Variants in MDH1 observed in about 807,000 individuals in gnomAD.
MDH1 encodes the protein malate dehydrogenase 1.
Under a neutral mutation model 38.7 loss-of-function variants are expected in MDH1, and 15 were observed. That is an observed-to-expected ratio of 0.39 (90% confidence interval 0.26 to 0.60). The LOEUF (loss-of-function observed/expected upper bound fraction) is 0.60, where lower values mean the gene tolerates loss of function less well. MDH1 is among the 20% of genes least tolerant of loss of function. MDH1 has a pLI of 0.56. For missense variants in MDH1, 368 were observed against 405.2 expected (o/e 0.91, Z 0.79); for synonymous variants, 144 against 143.6 (o/e 1.00, Z -0.02).
intron 3 of MDH1, among the ~76,000 whole-genome samples, chr2:63,595,858 T>A (rs1709301336): frequency 1.3e-5 from 2 of 152,298 alleles, no homozygotes; most frequent in South Asian, 4.1e-4. Context: ...GTCTACATTG[T>A]GTTGTTATGG....
chr2:63,602,934 CT>C (rs370479356), intron 5 of MDH1, among the ~76,000 whole-genome samples: 1 of 131,624 alleles, frequency 7.6e-6, no homozygotes, highest in Non-Finnish European at 1.7e-5. Flanking sequence ...TTTAACCGTT[CT>C]TTTTTTTTTT....
chr2:63,604,480 C>A (rs1285036988), intron 5 of MDH1, among the ~76,000 whole-genome samples: 1 of 152,192 alleles, frequency 6.6e-6, no homozygotes, highest in Non-Finnish European at 1.5e-5. Flanking sequence ...CATTCTACTC[C>A]ATAAGGTTTC....
chr2:63,596,664 T>C (rs1413362815), intron 3 of MDH1, among the ~76,000 whole-genome samples: 1 of 152,234 alleles, frequency 6.6e-6, no homozygotes, highest in Non-Finnish European at 1.5e-5. Flanking sequence ...ATGGCAGCCT[T>C]GACTATGATG....
rs1260784779 is a variant in MDH1, at chr2:63,604,847, G to T, written c.650G>T (p.Ser217Ile). 6.2e-7 allele frequency: 1 copy of T among 1,614,156 alleles called. No individual in the cohort carries two copies. Among genetic ancestry groups the T allele is most frequent in the South Asian group, 1.1e-5 (1 of 91,084 alleles). Reference sequence around the variant, plus strand: ...GTTTATGAAGCTCTGAAAGATGACAGCTGGCTCAAGGGAGAATTTGTCACG... The same window carrying T: ...GTTTATGAAGCTCTGAAAGATGACATCTGGCTCAAGGGAGAATTTGTCACG... ...VGVYEALKDDSWLKGEFVTTV... is the reference protein window; with the variant it reads ...VGVYEALKDDIWLKGEFVTTV... Residue 217 changes from serine (S) to isoleucine (I), a missense_variant, in exon 6 of 9, where the codon AGC becomes ATC. Transcript: ENST00000233114.
chr2:63,599,637 T>A (rs1332111276), intron 5 of MDH1: 4 of 160,898 alleles, frequency 2.5e-5, no homozygotes, highest in South Asian at 1.7e-4. Context: ...CAGATACATA[T>A]AATCTCATAT....
chr2:63,604,821 T>C lies in MDH1; in HGVS notation c.624T>C (p.Gly208=). The C allele has an allele frequency of 6.2e-7, 1 of 1,614,188 alleles. No homozygotes were observed. ...TGAAATTGCAAGGAAAGGAAGTTGGTGTTTATGAAGCTCTGAAAGATGACA... is the reference window on the plus strand; with the variant it reads ...TGAAATTGCAAGGAAAGGAAGTTGGCGTTTATGAAGCTCTGAAAGATGACA... ...AKVKLQGKEV[G]VYEALKDDSW... The change falls in exon 6 of 9, where the codon GGT becomes GGC. Residue 208 remains glycine, a synonymous_variant. Coordinates refer to ENST00000233114, the MANE Select transcript of MDH1 (RefSeq NM_005917.4).
chr2:63,593,589 TC>T, intron 1 of MDH1: 1 of 471,590 alleles, frequency 2.1e-6, no homozygotes, highest in Non-Finnish European at 4.4e-6. Context: ...ACCAAACACT[TC>T]TGGGCTTAGT....
chr2:63,607,127 C>G lies in MDH1; in HGVS notation c.*140C>G, dbSNP rs1358069399. ...TTTAAAGATTACGTGCTTCTTGGTA[C>G]AGGTTTGTGAATGACAGTTTATCGT... On this transcript the variant is annotated 3_prime_UTR_variant, in exon 9 of 9. Coordinates refer to ENST00000233114, the MANE Select transcript of MDH1 (RefSeq NM_005917.4). 1 of 761,988 alleles carries G rather than the reference C, an allele frequency of 1.3e-6. No homozygotes were observed. Among genetic ancestry groups the G allele is most frequent in the Non-Finnish European group, 2.0e-6 (1 of 508,798 alleles). 47.2% of individuals were successfully genotyped at this position (761,988 alleles called of 1,614,324 possible).
rs573282382 is a variant in MDH1 at position 63,604,950 on chromosome 2, G to C, written c.675+78G>C. On this transcript the variant is annotated intron_variant, in intron 6 of 8. Transcript: ENST00000233114. ...GACTCTTAGGACAGAAAACCTTAAA[G>C]AGGGCAGGTCTTTCACAGTTGCTCT... 3.7e-5 allele frequency: 53 copies of C among 1,446,416 alleles called. No individual in the cohort carries two copies. The South Asian group carries it at 6.3e-4, about 17-fold the overall frequency. The allele number at this position is 1,446,416 out of a possible 1,614,324, so 89.6% of individuals were successfully genotyped here.
At chr2:63,605,917 T>G in intron 7 of MDH1, 22 bp from the exon 8 acceptor site, 2 of 1,583,384 alleles carry the variant, frequency 1.3e-6, no homozygotes, top group Non-Finnish European at 1.7e-6. Context: ...ATCATGAGTA[T>G]GTGAAACATT....
At position 63,604,855 on chromosome 2, in the gene MDH1, A is replaced by G; in HGVS notation, c.658A>G (p.Lys220Glu). ...YEALKDDSWL[K>E]GEFVTTVQQR... ...AGCTCTGAAAGATGACAGCTGGCTC[A>G]AGGGAGAATTTGTCACGGTAAGAAA... Residue 220 changes from lysine (K) to glutamate (E), a missense_variant, in exon 6 of 9, where the codon AAG (lysine) becomes GAG (glutamate). Coordinates refer to ENST00000233114, the MANE Select transcript of MDH1 (RefSeq NM_005917.4). The G allele has an allele frequency of 6.2e-7, 1 of 1,614,182 alleles. No homozygotes were observed. Among genetic ancestry groups the G allele is most frequent in the Non-Finnish European group, 8.5e-7 (1 of 1,180,020 alleles).
In MDH1 at chr2:63,606,001, G is replaced by C; in HGVS notation, c.852G>C (p.Leu284=). The C allele has an allele frequency of 6.2e-7, 1 of 1,614,096 alleles. No homozygotes were observed. The highest frequency in any genetic ancestry group is 8.5e-7 in the Non-Finnish European group (1 of 1,179,976). ...DGNSYGVPDD[L]LYSFPVVIKN... Reference sequence around the variant, plus strand: ...ACTCCTATGGTGTTCCTGATGATCTGCTCTACTCATTCCCTGTTGTAATCA... The same window carrying C: ...ACTCCTATGGTGTTCCTGATGATCTCCTCTACTCATTCCCTGTTGTAATCA... Residue 284 remains leucine (L), a synonymous_variant, in exon 8 of 9, where the codon CTG becomes CTC. Transcript: ENST00000233114.
In MDH1 at chr2:63,595,530, G is replaced by A. The variant is rs1709293776; in HGVS notation, c.199+11G>A. On this transcript the variant is annotated intron_variant, in intron 3 of 8. Coordinates refer to ENST00000233114, the MANE Select transcript of MDH1 (RefSeq NM_005917.4). ...TTCCCCTCCTGAAAGGTGGGTTGGG[G>A]AGTAGAGAAGGGATTTTATGGTATT... The A allele has an allele frequency of 1.3e-6, 2 of 1,515,286 alleles. No individual in the cohort carries two copies. Among genetic ancestry groups the A allele is most frequent in the African/African-American group, 1.4e-5 (1 of 72,854 alleles). The allele number at this position is 1,515,286 out of a possible 1,614,324, so 93.9% of individuals were successfully genotyped here.
chr2:63,595,366 T>G, intron 2 of MDH1, 57 bp from the exon 3 acceptor site: 1 of 1,064,378 alleles, frequency 9.4e-7, no homozygotes, highest in Non-Finnish European at 1.5e-6. Context: ...GAAAAGACTT[T>G]CTTGTGTCTA....
Position 63,606,983 on chromosome 2 carries a change from C to G in MDH1, c.1001C>G (p.Ala334Gly). ...KESAFEFLSSA is the reference protein window; with the variant it reads ...KESAFEFLSSG ...AGTGCTTTTGAATTTCTTTCCTCTG[C>G]CTGACTAGACAATGATGTTACTAAA... Residue 334 changes from alanine (A) to glycine (G), a missense_variant, in exon 9 of 9, where the codon GCC (alanine) becomes GGC (glycine). By Grantham distance (60) the Ala-to-Gly change is moderately conservative (BLOSUM62 0). Transcript: ENST00000233114. The G allele has an allele frequency of 6.2e-7, 1 of 1,610,100 alleles. No individual in the cohort carries two copies. Among genetic ancestry groups the G allele is most frequent in the Admixed American group, 1.7e-5 (1 of 59,470 alleles).
At chr2:63,596,606 T>TA (rs1238464654) in intron 3 of MDH1, among the ~76,000 whole-genome samples, 1 of 151,778 alleles carries the variant, frequency 6.6e-6, no homozygotes, top group East Asian at 1.9e-4. Flanking sequence ...AGGAAGATAA[T>TA]TTTTTTTTCT....
chr2:63,589,001 G>A lies in MDH1; in HGVS notation c.-43G>A. On this transcript the variant is annotated 5_prime_UTR_variant, in exon 1 of 9. Coordinates refer to ENST00000233114, the MANE Select transcript of MDH1 (RefSeq NM_005917.4). ...GGTAGAGGTGACCTGACTCTCTGAG[G>A]CTCATTTTGCAGTTGTTGAAATTGT... is the stretch of plus-strand genomic sequence containing the variant. 1 of 1,614,172 alleles carries A rather than the reference G, an allele frequency of 6.2e-7. No homozygotes were observed. Among genetic ancestry groups the A allele is most frequent in the Non-Finnish European group, 8.5e-7 (1 of 1,180,032 alleles).
At chr2:63,604,314 C>A (rs1709486419) in intron 5 of MDH1, among the ~76,000 whole-genome samples, 1 of 152,186 alleles carries the variant, frequency 6.6e-6, no homozygotes, top group South Asian at 2.1e-4. Flanking sequence ...GAGAAGACAT[C>A]TCCAAGTAAA....
intron 5 of MDH1, among the ~76,000 whole-genome samples, chr2:63,602,934 C>CTTTTTTTTTTTTTTTTTTTTTTTTT (rs370479356): frequency 1.5e-5 from 2 of 131,536 alleles, no homozygotes; most frequent in African/African-American, 2.7e-5. Context: ...TTTAACCGTT[C>CTTTTTTTTTTTTTTTTTTTTTTTTT]TTTTTTTTTT....
Sources: allele counts gnomAD v4.1 joint callset (sites outside exome capture counted in the v4.1 genomes callset), GRCh38; gene constraint gnomAD v4.1.1; transcripts MANE v1.5; gene names NCBI Gene and HGNC (gene_info 2026-07-23, HGNC 2026-07-21).